The following PEAK1 variants were observed in gnomAD, a reference collection of about 807,000 sequenced individuals.
PEAK1 encodes pseudopodium enriched atypical kinase 1.
PEAK1 carries 54 observed loss-of-function variants against 124.7 expected under a neutral mutation model. The ratio of observed to expected loss-of-function variants is 0.43; its 90% CI spans 0.35 to 0.54. The LOEUF is 0.54. Among genes scored for constraint, PEAK1 ranks in the 20% least tolerant of loss-of-function variants. PEAK1 has a pLI of 0.01. For synonymous variants in PEAK1, 719 were observed against 760.0 expected (o/e 0.95, Z 0.89); for missense variants, 2,046 against 2,134.5 (o/e 0.96, Z 0.82).
intron 9 of PEAK1, among the ~76,000 whole-genome samples, chr15:77,117,704 T>C (rs1443787407): frequency 1.3e-5 from 2 of 152,140 alleles, no homozygotes; most frequent in Non-Finnish European, 2.9e-5. Context: ...AGCAGTATGT[T>C]AGAATCCAAG....
chr15:77,303,248 G>C (rs1316138214), intron 2 of PEAK1, among the ~76,000 whole-genome samples: 1 of 152,126 alleles, frequency 6.6e-6, no homozygotes, highest in Non-Finnish European at 1.5e-5. Context: ...GTGAACAGAA[G>C]TTTTCAAATT....
chr15:77,107,950 G>T (rs890195175), downstream of PEAK1: 4 of 152,246 alleles, frequency 2.6e-5, no homozygotes, highest in Non-Finnish European at 5.9e-5. Flanking sequence ...GATTTCCTCA[G>T]ATTAGACAGG....
intron 5 of PEAK1, chr15:77,278,758 CTG>C: frequency 2.1e-6 from 1 of 470,820 alleles, no homozygotes; most frequent in Non-Finnish European, 4.1e-6. Context: ...TTTTTGATAA[CTG>C]TGTACTTCTG....
chr15:77,412,076 C>T (rs2072462526), intron 1 of PEAK1, among the ~76,000 whole-genome samples: 1 of 151,976 alleles, frequency 6.6e-6, no homozygotes, highest in African/African-American at 2.4e-5. Context: ...ATATGAAATC[C>T]ACCCTATAAC....
At chr15:77,335,852 A>T (rs2066166541) in intron 2 of PEAK1, 1 of 985,392 alleles carries the variant, frequency 1.0e-6, no homozygotes, top group African/African-American at 1.7e-5. Flanking sequence ...CATTTTACCA[A>T]TTCAAAGAGA....
intron 6 of PEAK1, among the ~76,000 whole-genome samples, chr15:77,242,533 A>C (rs2060404497): frequency 1.3e-5 from 2 of 152,168 alleles, no homozygotes; most frequent in Non-Finnish European, 2.9e-5. Context: ...CAGGATGATA[A>C]ACTGATGCGC....
Position 77,251,670 on chromosome 15 carries a change from G to A in PEAK1, c.-115+697C>T, listed in dbSNP as rs923480787. Among the ~76,000 whole-genome samples the A allele has an allele frequency of 4.6e-5, 7 of 152,130 alleles. No homozygotes were observed. In the East Asian group the frequency reaches 7.7e-4, roughly 17 times the overall value. On this transcript the variant is annotated intron_variant, in intron 6 of 9. Transcript: ENST00000682557. ...AGGCGGGACTTTACTCCAGAGGTGGGGCTCAGACACTGGACCAGATACAGG... is the reference window on the plus strand; with the variant it reads ...AGGCGGGACTTTACTCCAGAGGTGGAGCTCAGACACTGGACCAGATACAGG...
At chr15:77,137,330 T>C (rs8027888) in intron 8 of PEAK1, among the ~76,000 whole-genome samples, 64 of 152,278 alleles carry the variant, frequency 4.2e-4, no homozygotes, top group African/African-American at 1.4e-3. Flanking sequence ...GATCCCAGAA[T>C]GGTAGATCCA....
chr15:77,295,766 T>C (rs1404489018), intron 2 of PEAK1, among the ~76,000 whole-genome samples: 1 of 152,220 alleles, frequency 6.6e-6, no homozygotes, highest in East Asian at 1.9e-4. Context: ...ACAGTAAGAA[T>C]GAGCTTATGT....
intron 2 of PEAK1, among the ~76,000 whole-genome samples, chr15:77,289,875 C>T (rs755294142): frequency 8.5e-5 from 13 of 152,094 alleles, no homozygotes; most frequent in African/African-American, 1.7e-4. Flanking sequence ...ATACACTAGT[C>T]ATAGTGCAGA....
Position 77,117,862 on chromosome 15 carries a change from G to A in PEAK1, c.4078-2543C>T, listed in dbSNP as rs182390214. On this transcript the variant is annotated intron_variant, in intron 9 of 9. Transcript: ENST00000682557. ...TCTAATTGTGACTCGTATTTTAATT[G>A]TGATATTCTAATTATATCTAGACAT... Among the ~76,000 whole-genome samples the A allele has an allele frequency of 7.2e-5, 11 of 152,228 alleles. No homozygotes were observed. In the East Asian group the frequency reaches 1.9e-3, roughly 27 times the overall value.
intron 1 of PEAK1, among the ~76,000 whole-genome samples, chr15:77,392,675 T>C (rs2070571582): frequency 6.6e-6 from 1 of 152,200 alleles, no homozygotes; most frequent in African/African-American, 2.4e-5. Flanking sequence ...TCTTCTTTAC[T>C]GCTCTCATTC....
At chr15:77,233,209 A>T (rs2059981023) in intron 6 of PEAK1, among the ~76,000 whole-genome samples, 2 of 152,202 alleles carry the variant, frequency 1.3e-5, no homozygotes, top group South Asian at 4.1e-4. Context: ...CTAAAGCAAA[A>T]CTACTTAAAA....
At chr15:77,224,260 T>C (rs2059529698) in intron 6 of PEAK1, among the ~76,000 whole-genome samples, 1 of 151,942 alleles carries the variant, frequency 6.6e-6, no homozygotes, top group Non-Finnish European at 1.5e-5. Context: ...TTCTTAACAT[T>C]CCATAACAAA....
chr15:77,212,431 G>A (rs1309086628), intron 6 of PEAK1, among the ~76,000 whole-genome samples: 1 of 152,174 alleles, frequency 6.6e-6, no homozygotes, highest in Non-Finnish European at 1.5e-5. Flanking sequence ...ACTTGGGGAA[G>A]TGGAATAGCC....
At chr15:77,146,247 T>C (rs1187396502) in intron 8 of PEAK1, among the ~76,000 whole-genome samples, 2 of 152,158 alleles carry the variant, frequency 1.3e-5, no homozygotes, top group Admixed American at 6.5e-5. Flanking sequence ...GGGCCTAATC[T>C]ACCTAGGCAT....
At position 77,252,658 on chromosome 15, in the gene PEAK1, T is replaced by G. The variant is rs1027519382; in HGVS notation, c.-274-132A>C. The G allele has an allele frequency of 1.5e-4, 81 of 534,000 alleles. No individual in the cohort carries two copies. The African/African-American group carries it at 1.6e-3, about 11-fold the overall frequency. 33.1% of individuals were successfully genotyped at this position (534,000 alleles called of 1,614,324 possible). A position where few individuals can be genotyped will look rare whatever the true frequency, so the allele number is the denominator to read the frequency against. On this transcript the variant is annotated intron_variant, in intron 5 of 9. Coordinates refer to ENST00000682557, the MANE Select transcript of PEAK1 (RefSeq NM_001385026.1). ...ATTCATCTAATTCATTTAAGGAATA[T>G]CTTTTCTACTTAGGTGGAGACACGC...
chr15:77,332,403 T>C (rs1434714090), intron 2 of PEAK1: 1 of 322,246 alleles, frequency 3.1e-6, no homozygotes, highest in Non-Finnish European at 4.5e-6. Flanking sequence ...ATTGAGATCA[T>C]CCTGGCTAAC....
intron 4 of PEAK1, among the ~76,000 whole-genome samples, chr15:77,284,523 A>G (rs1282879012): frequency 1.3e-5 from 2 of 152,186 alleles, no homozygotes; most frequent in East Asian, 1.9e-4. Context: ...CCTTTCTATC[A>G]TATGTTGCTG....
Sources: gnomAD v4.1 joint callset for allele counts (sites outside exome capture counted in the v4.1 genomes callset) on GRCh38, gnomAD v4.1.1 for gene constraint, MANE v1.5 for transcripts, NCBI Gene and HGNC (gene_info 2026-07-23, HGNC 2026-07-21) for gene names.